The following ZMIZ1 variants were observed in gnomAD, a reference collection of about 807,000 sequenced individuals.
ZMIZ1 encodes the protein zinc finger MIZ-type containing 1, also known as zinc finger MIZ domain-containing protein 1.
A neutral mutation model predicts 113.9 loss-of-function variants in ZMIZ1; 17 were observed. The ratio of observed to expected loss-of-function variants is 0.15; its 90% CI spans 0.10 to 0.22. The LOEUF (loss-of-function observed/expected upper bound fraction) is 0.22, where lower values mean the gene tolerates loss of function less well. ZMIZ1 is among the 10% of genes least tolerant of loss of function. The probability of loss-of-function intolerance (pLI) is 1.00; values close to 1 mark genes in which losing one functional copy is unlikely to be tolerated. For synonymous variants in ZMIZ1, 607 were observed against 603.1 expected, an observed-to-expected ratio of 1.01 and a Z score of -0.09; for missense variants, 1,059 against 1,477.8, an observed-to-expected ratio of 0.72 and a Z score of 4.65.
intron 18 of ZMIZ1, 45 bp downstream of exon 18, chr10:79,302,257 G>C (rs138587210): frequency 6.3e-7 from 1 of 1,581,782 alleles, no homozygotes; most frequent in African/African-American, 1.3e-5. Context: ...CTCCATCCCC[G>C]CCTGAGTTTG....
intron 3 of ZMIZ1, among the ~76,000 whole-genome samples, chr10:79,154,231 CTTTGGG>C (rs1845815807): frequency 6.6e-6 from 1 of 152,134 alleles, no homozygotes. Context: ...CACAAACCCC[CTTTGGG>C]TTTGTGTCCC....
chr10:79,075,108 C>T (rs1842425823), intron 1 of ZMIZ1, among the ~76,000 whole-genome samples: 1 of 152,148 alleles, frequency 6.6e-6, no homozygotes, highest in South Asian at 2.1e-4. Context: ...CCAGCCCCAG[C>T]TCCACCCCTA....
intron 7 of ZMIZ1, among the ~76,000 whole-genome samples, chr10:79,229,871 C>T (rs889987982): frequency 1.3e-5 from 2 of 152,224 alleles, no homozygotes; most frequent in East Asian, 1.9e-4. Context: ...TGGGTTGGGA[C>T]GGTGAGGGGA....
intron 19 of ZMIZ1, 35 bp from the exon 20 acceptor site, chr10:79,305,129 C>G (rs755689798): frequency 4.3e-6 from 7 of 1,613,358 alleles, no homozygotes; most frequent in Non-Finnish European, 5.1e-6. Context: ...TTCTGACAGT[C>G]CTGGTCTCAC....
rs535376797 is a variant in ZMIZ1 at position 79,312,963 on chromosome 10, C to T, written c.*214C>T. On this transcript the variant is annotated 3_prime_UTR_variant, in exon 25 of 25. Transcript: ENST00000334512. ...GAAGGCTGTGTGGGTCTGGAGCCCA[C>T]GTCCCACCTCCACACCCTTGGCTTG... The T allele has an allele frequency of 3.8e-5, 22 of 572,456 alleles. No individual in the cohort carries two copies. The highest frequency in any genetic ancestry group is 2.4e-4 in the African/African-American group (13 of 53,350). 35.5% of individuals were successfully genotyped at this position (572,456 alleles called of 1,614,324 possible). A position where few individuals can be genotyped will look rare whatever the true frequency, so the allele number is the denominator to read the frequency against.
intron 7 of ZMIZ1, among the ~76,000 whole-genome samples, chr10:79,264,227 G>T (rs1049109178): frequency 6.6e-6 from 1 of 152,174 alleles, no homozygotes; most frequent in African/African-American, 2.4e-5. Context: ...ACCTCCCTGC[G>T]CAGGCTGACC....
chr10:79,289,071 G>C (rs1423311732), intron 8 of ZMIZ1, among the ~76,000 whole-genome samples: 3 of 152,144 alleles, frequency 2.0e-5, no homozygotes, highest in Non-Finnish European at 4.4e-5. Flanking sequence ...TGTGTGTTTG[G>C]ACTCTGCCTT....
At chr10:79,228,639 G>A (rs1279983869) in intron 7 of ZMIZ1, among the ~76,000 whole-genome samples, 2 of 152,242 alleles carry the variant, frequency 1.3e-5, no homozygotes, top group South Asian at 2.1e-4. Flanking sequence ...GCAAGGGCTC[G>A]GAGGTGAGGG....
chr10:79,296,626 C>T lies in ZMIZ1; in HGVS notation c.1386C>T (p.Pro462=), dbSNP rs2296428. 3.8e-6 allele frequency: 6 copies of T among 1,588,078 alleles called. No individual in the cohort carries two copies. The highest frequency in any genetic ancestry group is 5.1e-6 in the Non-Finnish European group (6 of 1,166,188). The change falls in exon 13 of 25, where the codon CCC becomes CCT. Residue 462 remains proline (P), a synonymous_variant. Transcript: ENST00000334512. The surrounding 1 kb of genome is among the most constrained non-coding windows in gnomAD (Gnocchi z 4.1). ...SQPSSGQYPP[P]TVNMGQYYKP... ...CGAGCTCCGGGCAGTACCCGCCCCC[C>T]ACGGTCAACATGGGGCAGTATTACA...
rs566596467 is a variant in ZMIZ1, at chr10:79,099,304, C to G, written c.-336-19611C>G. Among the ~76,000 whole-genome samples, 207 of 152,230 alleles carry G rather than the reference C, an allele frequency of 1.4e-3. 1 individual carries two copies. The highest frequency in any genetic ancestry group is 4.9e-3 in the African/African-American group (204 of 41,532). On this transcript the variant is annotated intron_variant, in intron 1 of 24. Coordinates refer to ENST00000334512, the MANE Select transcript of ZMIZ1 (RefSeq NM_020338.4). ...GCGCTCCTTGAGAGTGCCCTGGGCA[C>G]AGGGACCCCATGCTCCCATGAGCAG... is the stretch of plus-strand genomic sequence containing the variant.
intron 1 of ZMIZ1, among the ~76,000 whole-genome samples, chr10:79,091,058 A>G (rs1207543841): frequency 6.6e-6 from 1 of 152,102 alleles, no homozygotes; most frequent in Non-Finnish European, 1.5e-5. Flanking sequence ...GCCCAGATGA[A>G]TTAATCTCTT....
chr10:79,223,680 G>A (rs1004229218), intron 7 of ZMIZ1, among the ~76,000 whole-genome samples: 7 of 152,272 alleles, frequency 4.6e-5, no homozygotes, highest in African/African-American at 1.2e-4. Flanking sequence ...GGAAGACACA[G>A]ACCCAGGTCA....
intron 5 of ZMIZ1, among the ~76,000 whole-genome samples, chr10:79,205,916 G>A (rs1193323397): frequency 2.6e-5 from 4 of 152,100 alleles, no homozygotes; most frequent in Non-Finnish European, 5.9e-5. Context: ...GGGCAACATA[G>A]CAAGACGTCG....
At chr10:79,303,193 C>G (rs1337987121) in intron 18 of ZMIZ1, among the ~76,000 whole-genome samples, 2 of 151,432 alleles carry the variant, frequency 1.3e-5, no homozygotes, top group African/African-American at 4.8e-5. Flanking sequence ...GGACTGGGCA[C>G]AGTGGCTCAT....
At chr10:79,274,437 C>T (rs1407099730) in intron 7 of ZMIZ1, among the ~76,000 whole-genome samples, 1 of 152,192 alleles carries the variant, frequency 6.6e-6, no homozygotes, top group Non-Finnish European at 1.5e-5. Flanking sequence ...TCTGTCCTTG[C>T]GTAATCCCCT....
At chr10:79,302,714 GA>G (rs1854397421) in intron 18 of ZMIZ1, among the ~76,000 whole-genome samples, 2 of 109,794 alleles carry the variant, frequency 1.8e-5, no homozygotes, top group African/African-American at 3.4e-5. Flanking sequence ...TTGAGAGAGA[GA>G]GAGAATGTCG....
rs373876352 is a variant in ZMIZ1, at chr10:79,208,730, C to T, written c.174+281C>T. 5.3e-5 allele frequency among the ~76,000 whole-genome samples: 8 copies of T among 152,330 alleles called. No homozygotes were observed. The East Asian group carries it at 1.5e-3, about 29-fold the overall frequency. On this transcript the variant is annotated intron_variant, in intron 6 of 24. Coordinates refer to ENST00000334512, the MANE Select transcript of ZMIZ1 (RefSeq NM_020338.4). ...GTGTTCACTTTGCAGGTCACTGTTC[C>T]ATCATAAGCACAGTAGAGAAACTCT...
chr10:79,288,541 C>A (rs1853245725), intron 8 of ZMIZ1, among the ~76,000 whole-genome samples: 1 of 150,352 alleles, frequency 6.7e-6, no homozygotes, highest in Non-Finnish European at 1.5e-5. Flanking sequence ...CACATACACA[C>A]ACACACACCC....
chr10:79,203,737 C>T (rs1460962944), intron 5 of ZMIZ1, among the ~76,000 whole-genome samples: 1 of 152,262 alleles, frequency 6.6e-6, no homozygotes, highest in Non-Finnish European at 1.5e-5. Context: ...CAGCATGGCA[C>T]ACAGCTCAGT....
Sources: allele counts gnomAD v4.1 joint callset (sites outside exome capture counted in the v4.1 genomes callset), GRCh38; gene constraint gnomAD v4.1.1; non-coding constraint Gnocchi (gnomAD v3.1); transcripts MANE v1.5; gene names NCBI Gene and HGNC (gene_info 2026-07-23, HGNC 2026-07-21).